SLC35D1: variants seen among roughly 807,000 people sequenced by gnomAD.
The protein encoded by SLC35D1 is solute carrier family 35 member D1, also known as nucleotide sugar transporter SLC35D1.
SLC35D1 carries 31 observed loss-of-function variants against 46.7 expected under a neutral mutation model. The ratio of observed to expected loss-of-function variants is 0.66; its 90% CI spans 0.50 to 0.90. The LOEUF (loss-of-function observed/expected upper bound fraction) is 0.90, where lower values mean the gene tolerates loss of function less well. Ranked by LOEUF, SLC35D1 falls within the 40% of genes least tolerant of loss-of-function variation. SLC35D1 has a pLI of 0.00. For missense variants in SLC35D1, 397 were observed against 426.2 expected, an observed-to-expected ratio of 0.93 and a Z score of 0.60; for synonymous variants, 195 against 164.6, an observed-to-expected ratio of 1.18 and a Z score of -1.41.
At chr1:66,986,289 C>T in the SLC35D1 span, 1 of 1,464,872 alleles carries the variant, frequency 6.8e-7, no homozygotes, top group Non-Finnish European at 9.0e-7. Flanking sequence ...GTAAAAGTGC[C>T]ATTTTATTTT....
chr1:66,986,120 G>A, the SLC35D1 span: 59 of 1,110,420 alleles, frequency 5.3e-5, no homozygotes, highest in Non-Finnish European at 6.2e-5. Context: ...AGGCAGTATC[G>A]ATTTTATGAA....
intron 10 of SLC35D1, among the ~76,000 whole-genome samples, chr1:67,013,024 T>TG (rs1667598487): frequency 6.6e-6 from 1 of 151,338 alleles, no homozygotes; most frequent in Non-Finnish European, 1.5e-5. Context: ...CATCTGTTTG[T>TG]CCCCCCAGCT....
chr1:66,990,038 CTTT>C, the SLC35D1 span, among the ~76,000 whole-genome samples: 3 of 152,086 alleles, frequency 2.0e-5, no homozygotes, highest in Non-Finnish European at 2.9e-5. Context: ...TAAGTGTATC[CTTT>C]TTTATTATTT....
intron 6 of SLC35D1, among the ~76,000 whole-genome samples, chr1:67,048,352 A>G (rs1030747724): frequency 2.0e-5 from 3 of 152,200 alleles, no homozygotes; most frequent in Non-Finnish European, 4.4e-5. Context: ...TGTTTGGTAC[A>G]ATTTTGGGTC....
At chr1:66,992,635 C>G in the SLC35D1 span, among the ~76,000 whole-genome samples, 15 of 152,372 alleles carry the variant, frequency 9.8e-5, no homozygotes, top group African/African-American at 3.6e-4. Flanking sequence ...GTATTCATGG[C>G]TAGAGCCATG....
intron 7 of SLC35D1, among the ~76,000 whole-genome samples, chr1:67,043,517 C>A (rs180898647): frequency 6.6e-6 from 1 of 152,172 alleles, no homozygotes; most frequent in East Asian, 1.9e-4. Context: ...TGCATTCCAA[C>A]TTCGGCACCA....
chr1:67,050,886 C>T (rs1485852461), intron 4 of SLC35D1, among the ~76,000 whole-genome samples: 1 of 152,204 alleles, frequency 6.6e-6, no homozygotes, highest in African/African-American at 2.4e-5. Flanking sequence ...CATGAAATGC[C>T]TTGACTGTCC....
intron 3 of SLC35D1, among the ~76,000 whole-genome samples, 196 bp downstream of exon 3, chr1:67,052,575 T>C (rs1305195512): frequency 2.0e-5 from 3 of 152,230 alleles, no homozygotes; most frequent in Non-Finnish European, 4.4e-5. Flanking sequence ...TCCTAGGTTA[T>C]TTTTTCTCTT....
chr1:66,984,429 G>C, the SLC35D1 span: 2 of 581,458 alleles, frequency 3.4e-6, no homozygotes, highest in Non-Finnish European at 5.9e-6. Context: ...AGGCGACATA[G>C]CTTATAAGTA....
chr1:67,019,852 C>T (rs1667761175), intron 10 of SLC35D1, among the ~76,000 whole-genome samples: 2 of 152,144 alleles, frequency 1.3e-5, no homozygotes, highest in South Asian at 4.2e-4. Flanking sequence ...TGGCTGAAGA[C>T]AAATTAGTCT....
At chr1:66,988,295 TCTA>T in the SLC35D1 span, 1 of 152,310 alleles carries the variant, frequency 6.6e-6, no homozygotes, top group Admixed American at 6.5e-5. Flanking sequence ...ATCACATAAT[TCTA>T]CTGATACAAC....
chr1:66,984,196 T>C, the SLC35D1 span, among the ~76,000 whole-genome samples: 1 of 152,270 alleles, frequency 6.6e-6, no homozygotes, highest in Admixed American at 6.5e-5. Context: ...AGTAATTTAC[T>C]GCATTTTCCA....
chr1:67,032,451 T>G (rs1324847431), intron 8 of SLC35D1, among the ~76,000 whole-genome samples: 1 of 152,018 alleles, frequency 6.6e-6, no homozygotes, highest in Non-Finnish European at 1.5e-5. Context: ...GAGGCCGAAG[T>G]AGGCGGATCA....
At chr1:67,047,811 T>A (rs917861531) in intron 6 of SLC35D1, among the ~76,000 whole-genome samples, 8 of 152,156 alleles carry the variant, frequency 5.3e-5, no homozygotes, top group African/African-American at 1.9e-4. Context: ...GTTGGGCCCC[T>A]GGGTGAAATT....
the SLC35D1 span, among the ~76,000 whole-genome samples, chr1:66,973,733 AG>A: frequency 6.6e-6 from 1 of 152,152 alleles, no homozygotes; most frequent in Non-Finnish European, 1.5e-5. Context: ...AGATTAGGAC[AG>A]GCAGAATTAA....
At position 67,054,136 on chromosome 1, in the gene SLC35D1, C is replaced by T; in HGVS notation, c.-123G>A. The T allele has an allele frequency of 1.1e-6, 1 of 948,996 alleles. No individual in the cohort carries two copies. The highest frequency in any genetic ancestry group is 1.7e-5 in the South Asian group (1 of 57,712). The allele number at this position is 948,996 out of a possible 1,614,324, so 58.8% of individuals were successfully genotyped here. On this transcript the variant is annotated 5_prime_UTR_variant, in exon 1 of 12. Coordinates refer to ENST00000235345, the MANE Select transcript of SLC35D1 (RefSeq NM_015139.3). Reference sequence around the variant, plus strand: ...TAGGCCAGCTGCGCGCTCGCCGCCTCGACTCCCCGCTTGGCCGCCGCCTGT... The same window carrying T: ...TAGGCCAGCTGCGCGCTCGCCGCCTTGACTCCCCGCTTGGCCGCCGCCTGT...
intron 7 of SLC35D1, among the ~76,000 whole-genome samples, chr1:67,044,095 G>A (rs1363640748): frequency 1.3e-5 from 2 of 152,170 alleles, no homozygotes; most frequent in African/African-American, 2.4e-5. Context: ...CAGCATTTGG[G>A]GAGGCCAAGA....
chr1:66,988,344 CA>C, the SLC35D1 span: 1 of 152,112 alleles, frequency 6.6e-6, no homozygotes, highest in Non-Finnish European at 1.5e-5. Context: ...TCTTTAATAT[CA>C]AGTTCATCCT....
the SLC35D1 span, chr1:66,988,699 G>A: frequency 2.0e-5 from 3 of 152,232 alleles, no homozygotes; most frequent in East Asian, 1.9e-4. Flanking sequence ...CCATGTAAAC[G>A]AGATGAGATG....
Sources: gnomAD v4.1 joint callset for allele counts (sites outside exome capture counted in the v4.1 genomes callset) on GRCh38, gnomAD v4.1.1 for gene constraint, MANE v1.5 for transcripts, NCBI Gene and HGNC (gene_info 2026-07-23, HGNC 2026-07-21) for gene names.